Variants in KIAA0319 observed in about 807,000 individuals in gnomAD.
KIAA0319 encodes dyslexia-associated protein KIAA0319.
Under a neutral mutation model 108.4 loss-of-function variants are expected in KIAA0319, and 83 were observed. The ratio of observed to expected loss-of-function variants is 0.77; its 90% CI spans 0.64 to 0.92. The LOEUF is 0.92. Among genes scored for constraint, KIAA0319 ranks in the 40% least tolerant of loss-of-function variants. The pLI is 0.00. For missense variants in KIAA0319, 1,195 were observed against 1,322.4 expected, an observed-to-expected ratio of 0.90 and a Z score of 1.49; for synonymous variants, 484 against 510.4, an observed-to-expected ratio of 0.95 and a Z score of 0.70.
intron 20 of KIAA0319, 80 bp from the exon 21 acceptor site, chr6:24,547,423 GT>G (rs1760789631): frequency 1.6e-6 from 2 of 1,220,904 alleles, no homozygotes; most frequent in Admixed American, 2.0e-5. Context: ...TGCAGGTCCT[GT>G]GATGGGCACG....
intron 18 of KIAA0319, among the ~76,000 whole-genome samples, chr6:24,556,323 G>C (rs1762281325): frequency 6.6e-6 from 1 of 151,984 alleles, no homozygotes; most frequent in African/African-American, 2.4e-5. Flanking sequence ...TGGGACTACA[G>C]GCACACGCAA....
intron 1 of KIAA0319, among the ~76,000 whole-genome samples, chr6:24,626,859 T>C (rs572525760): frequency 6.2e-4 from 94 of 152,260 alleles, no homozygotes; most frequent in African/African-American, 1.8e-3. Flanking sequence ...AGAATAATGA[T>C]GAAAAAGAGA....
chr6:24,645,082 CA>C (rs1777445027), intron 1 of KIAA0319, among the ~76,000 whole-genome samples: 1 of 152,214 alleles, frequency 6.6e-6, no homozygotes, highest in East Asian at 1.9e-4. Flanking sequence ...CATTTACTTC[CA>C]AAATTCTTGT....
chr6:24,625,621 G>A (rs1424434555), intron 1 of KIAA0319, among the ~76,000 whole-genome samples: 1 of 152,132 alleles, frequency 6.6e-6, no homozygotes, highest in Non-Finnish European at 1.5e-5. Flanking sequence ...AGATTGGAAA[G>A]GAATGTGTAA....
intron 1 of KIAA0319, among the ~76,000 whole-genome samples, chr6:24,621,445 A>G (rs1470514289): frequency 6.6e-6 from 1 of 152,198 alleles, no homozygotes; most frequent in Non-Finnish European, 1.5e-5. Flanking sequence ...ATTCCAGGGG[A>G]CATCCAGAGA....
intron 3 of KIAA0319, among the ~76,000 whole-genome samples, chr6:24,594,011 C>G (rs1378991529): frequency 6.7e-6 from 1 of 148,590 alleles, no homozygotes; most frequent in Admixed American, 6.7e-5. Context: ...CCAGTCTGAC[C>G]AATATGGTGA....
At chr6:24,559,692 TTTC>T (rs145986935) in intron 16 of KIAA0319, among the ~76,000 whole-genome samples, 42,367 of 150,598 alleles carry the variant, frequency 0.28, 7,326 homozygotes, top group African/African-American at 0.49. Flanking sequence ...CAGACATGTC[TTTC>T]TTTTTACCTT....
intron 1 of KIAA0319, among the ~76,000 whole-genome samples, chr6:24,632,526 G>A (rs933167616): frequency 2.6e-5 from 4 of 152,186 alleles, no homozygotes; most frequent in Non-Finnish European, 5.9e-5. Context: ...TCATTCATGA[G>A]GCACACTTCT....
chr6:24,592,864 T>C (rs1768729418), intron 3 of KIAA0319, among the ~76,000 whole-genome samples: 1 of 152,034 alleles, frequency 6.6e-6, no homozygotes, highest in African/African-American at 2.4e-5. Flanking sequence ...CCAGCTACCT[T>C]GTGGGGCTGA....
intron 1 of KIAA0319, among the ~76,000 whole-genome samples, chr6:24,630,008 A>T (rs566712584): frequency 6.6e-6 from 1 of 152,046 alleles, no homozygotes; most frequent in East Asian, 1.9e-4. Context: ...CCGAAACCCC[A>T]TCTCTACTAA....
intron 11 of KIAA0319, among the ~76,000 whole-genome samples, chr6:24,571,117 G>C (rs1045412553): frequency 1.3e-5 from 2 of 151,844 alleles, no homozygotes; most frequent in Admixed American, 6.6e-5. Flanking sequence ...ATTTGAACCC[G>C]GGAGGCAGAG....
At chr6:24,616,381 C>T (rs947429380) in intron 1 of KIAA0319, among the ~76,000 whole-genome samples, 2 of 152,120 alleles carry the variant, frequency 1.3e-5, no homozygotes, top group African/African-American at 2.4e-5. Flanking sequence ...TTTTTTGAGA[C>T]GGAGTCTCGC....
intron 1 of KIAA0319, among the ~76,000 whole-genome samples, chr6:24,618,148 T>C (rs1243860898): frequency 6.6e-6 from 1 of 152,208 alleles, no homozygotes; most frequent in Non-Finnish European, 1.5e-5. Context: ...AAGTTTGGGC[T>C]TGGCTTTTCA....
At chr6:24,575,419 G>A (rs1218508510) in intron 10 of KIAA0319, among the ~76,000 whole-genome samples, 6 of 151,872 alleles carry the variant, frequency 4.0e-5, no homozygotes, top group Admixed American at 1.3e-4. Context: ...TTCCTGTTTT[G>A]TATCCAACCC....
intron 1 of KIAA0319, among the ~76,000 whole-genome samples, chr6:24,611,377 T>C (rs1370236802): frequency 6.6e-6 from 1 of 152,026 alleles, no homozygotes; most frequent in Non-Finnish European, 1.5e-5. Flanking sequence ...CGGGCGCCTG[T>C]AGTCCCAGCT....
intron 11 of KIAA0319, among the ~76,000 whole-genome samples, 156 bp downstream of exon 11, chr6:24,572,419 A>G (rs1004662421): frequency 1.3e-5 from 2 of 152,256 alleles, no homozygotes; most frequent in Non-Finnish European, 2.9e-5. Context: ...GTTTACAGTC[A>G]AGGCAAGATT....
rs1766984084 is a variant in KIAA0319, at chr6:24,583,650, G to A, written c.1047C>T (p.Asp349=). ...CAAAGGCCTTCAGTTCAACTTCATT[G>A]TCGGGTAAAGTTATAATTAGGTTAT... is the stretch of plus-strand genomic sequence containing the variant. ...AGDNLIITLP[D]NEVELKAFVA... is the part of the protein sequence containing the mutation. The change falls in exon 5 of 21, where the codon GAC becomes GAT. Residue 349 remains aspartate (D), a synonymous_variant. Transcript: ENST00000378214. The A allele has an allele frequency of 6.2e-7, 1 of 1,613,796 alleles. No homozygotes were observed.
At chr6:24,587,524 C>A (rs1767720357) in intron 4 of KIAA0319, among the ~76,000 whole-genome samples, 1 of 152,118 alleles carries the variant, frequency 6.6e-6, no homozygotes, top group Non-Finnish European at 1.5e-5. Flanking sequence ...TCATGATCCA[C>A]CCACCTCGGC....
At chr6:24,638,773 A>G (rs925982160) in intron 1 of KIAA0319, among the ~76,000 whole-genome samples, 312 of 150,808 alleles carry the variant, frequency 2.1e-3, no homozygotes, top group African/African-American at 7.2e-3. Flanking sequence ...AAAAAAAAAA[A>G]GAATTAGAAA....
Sources: allele counts gnomAD v4.1 joint callset (sites outside exome capture counted in the v4.1 genomes callset), GRCh38; gene constraint gnomAD v4.1.1; transcripts MANE v1.5; gene names NCBI Gene and HGNC (gene_info 2026-07-23, HGNC 2026-07-21).